LRFN2: variants seen among roughly 807,000 people sequenced by gnomAD.
LRFN2 encodes the protein leucine rich repeat and fibronectin type III domain containing 2.
In LRFN2, 18 loss-of-function variants were observed where a neutral mutation model predicts 37.3. That is an observed-to-expected ratio of 0.48 (90% CI 0.33 to 0.72). The LOEUF is 0.72. Among genes scored for constraint, LRFN2 ranks in the 30% least tolerant of loss-of-function variants. LRFN2 has a pLI of 0.02. For synonymous variants in LRFN2, 556 were observed against 466.6 expected (o/e 1.19, Z -2.47); for missense variants, 1,006 against 1,060.7 (o/e 0.95, Z 0.72).
chr6:40,458,251 G>GA (rs1451611267), intron 1 of LRFN2, among the ~76,000 whole-genome samples: 1 of 152,220 alleles, frequency 6.6e-6, no homozygotes, highest in African/African-American at 2.4e-5. Context: ...TAGTAAACAC[G>GA]AATGTATAAA....
chr6:40,494,657 T>A (rs1169059360), intron 1 of LRFN2, among the ~76,000 whole-genome samples: 1 of 152,002 alleles, frequency 6.6e-6, no homozygotes, highest in Admixed American at 6.6e-5. Context: ...AAGGACCTCA[T>A]CCTTCTCTTC....
chr6:40,507,040 G>A (rs745389612), intron 1 of LRFN2, among the ~76,000 whole-genome samples: 5 of 152,240 alleles, frequency 3.3e-5, no homozygotes, highest in Admixed American at 6.5e-5. Context: ...GCATGGCAAT[G>A]ATGTCAGGTA....
intron 1 of LRFN2, among the ~76,000 whole-genome samples, chr6:40,584,637 G>C (rs1767468111): frequency 6.6e-6 from 1 of 152,082 alleles, no homozygotes; most frequent in South Asian, 2.1e-4. Flanking sequence ...TAGGAAAGGG[G>C]AGTTTCTGAA....
At chr6:40,402,374 C>T (rs1293721272) in intron 2 of LRFN2, among the ~76,000 whole-genome samples, 2 of 152,190 alleles carry the variant, frequency 1.3e-5, no homozygotes, top group South Asian at 2.1e-4. Context: ...TGCTGTATTA[C>T]ATTGAATTGA....
intron 1 of LRFN2, among the ~76,000 whole-genome samples, chr6:40,458,382 T>G (rs1764278589): frequency 6.6e-6 from 1 of 152,180 alleles, no homozygotes; most frequent in Admixed American, 6.5e-5. Flanking sequence ...GATACTTTTA[T>G]TTTAAAAAAG....
chr6:40,413,481 G>A (rs948631942), intron 2 of LRFN2, among the ~76,000 whole-genome samples: 4 of 152,176 alleles, frequency 2.6e-5, no homozygotes, highest in African/African-American at 4.8e-5. Flanking sequence ...ATTAAATCTC[G>A]CTCTTCCCCA....
chr6:40,510,032 G>A (rs1765659303), intron 1 of LRFN2, among the ~76,000 whole-genome samples: 1 of 147,124 alleles, frequency 6.8e-6, no homozygotes, highest in Admixed American at 6.8e-5. Context: ...GGTATGCCAG[G>A]GAACACTGCT....
chr6:40,470,686 G>C (rs1358484210), intron 1 of LRFN2, among the ~76,000 whole-genome samples: 1 of 152,018 alleles, frequency 6.6e-6, no homozygotes, highest in East Asian at 1.9e-4. Flanking sequence ...GGAAGGCAGA[G>C]CAGCCAGTGG....
At position 40,563,891 on chromosome 6, in the gene LRFN2, C is replaced by T. The variant is rs185175881; in HGVS notation, c.-19+23050G>A. Reference sequence around the variant, plus strand: ...ACCACCTGATTACTCCACAGACAGACCTTGTGTGCCCACAAGGTGCTGGAT... The same window carrying T: ...ACCACCTGATTACTCCACAGACAGATCTTGTGTGCCCACAAGGTGCTGGAT... On this transcript the variant is annotated intron_variant, in intron 1 of 2. Coordinates refer to ENST00000338305, the MANE Select transcript of LRFN2 (RefSeq NM_020737.3). Among the ~76,000 whole-genome samples, 12 of 152,298 alleles carry T rather than the reference C, an allele frequency of 7.9e-5. No individual in the cohort carries two copies. In the East Asian group the frequency reaches 2.3e-3, roughly 29 times the overall value.
chr6:40,394,357 G>C (rs886996861), intron 2 of LRFN2, among the ~76,000 whole-genome samples: 1 of 152,112 alleles, frequency 6.6e-6, no homozygotes, highest in African/African-American at 2.4e-5. Flanking sequence ...TTTCTTGGTA[G>C]TTCCTCCACT....
chr6:40,515,815 C>A (rs1338232619), intron 1 of LRFN2, among the ~76,000 whole-genome samples: 1 of 148,942 alleles, frequency 6.7e-6, no homozygotes, highest in East Asian at 2.0e-4. Flanking sequence ...ATTGCTTGAA[C>A]CAGGGAGGAG....
chr6:40,490,649 G>A (rs1765070298), intron 1 of LRFN2, among the ~76,000 whole-genome samples: 1 of 152,206 alleles, frequency 6.6e-6, no homozygotes, highest in Non-Finnish European at 1.5e-5. Context: ...CACAGCATAT[G>A]GCCCACTCTT....
chr6:40,505,381 T>C (rs1310639315), intron 1 of LRFN2, among the ~76,000 whole-genome samples: 6 of 152,240 alleles, frequency 3.9e-5, no homozygotes. Context: ...TAGGATCTGT[T>C]GGGACCATAA....
In LRFN2 at chr6:40,392,023, A is replaced by G; in HGVS notation, c.2290T>C (p.Leu764=). 6.2e-7 allele frequency: 1 copy of G among 1,613,508 alleles called. No homozygotes were observed. The highest frequency in any genetic ancestry group is 8.5e-7 in the Non-Finnish European group (1 of 1,179,748). The change falls in exon 3 of 3, where the codon TTG becomes CTG. Residue 764 remains leucine, a synonymous_variant. Transcript: ENST00000338305. The surrounding 1 kb of genome is among the most constrained non-coding windows in gnomAD (Gnocchi z 4.7). ...KRSLSVNGML[L]PFEESDLVGA... ...ACCAGGTCACTCTCCTCAAAGGGCA[A>G]GAGCATGCCGTTGACAGAGAGGCTG...
At chr6:40,475,372 C>T (rs1049637385) in intron 1 of LRFN2, among the ~76,000 whole-genome samples, 2 of 152,044 alleles carry the variant, frequency 1.3e-5, no homozygotes, top group African/African-American at 4.8e-5. Flanking sequence ...GATTCCACTC[C>T]GTACTAGAGA....
At chr6:40,440,417 C>T (rs41513154) in intron 1 of LRFN2, among the ~76,000 whole-genome samples, 5 of 152,150 alleles carry the variant, frequency 3.3e-5, no homozygotes, top group South Asian at 4.2e-4. Flanking sequence ...AGCTCTGAGT[C>T]GATGGTAGCA....
At chr6:40,477,946 C>A (rs1198006501) in intron 1 of LRFN2, among the ~76,000 whole-genome samples, 2 of 152,208 alleles carry the variant, frequency 1.3e-5, no homozygotes, top group Non-Finnish European at 2.9e-5. Context: ...GGATGTAACA[C>A]AGACGCAGCA....
intron 1 of LRFN2, among the ~76,000 whole-genome samples, chr6:40,454,073 C>G (rs1359001132): frequency 6.6e-6 from 1 of 152,148 alleles, no homozygotes; most frequent in African/African-American, 2.4e-5. Context: ...CAGACCAAGA[C>G]CATTGATCAT....
chr6:40,505,230 C>T (rs1765502001), intron 1 of LRFN2, among the ~76,000 whole-genome samples: 1 of 152,120 alleles, frequency 6.6e-6, no homozygotes, highest in Non-Finnish European at 1.5e-5. Context: ...TCGGTGAGAT[C>T]CCTAACATGA....
Sources: allele counts gnomAD v4.1 joint callset (sites outside exome capture counted in the v4.1 genomes callset), GRCh38; gene constraint gnomAD v4.1.1; non-coding constraint Gnocchi (gnomAD v3.1); transcripts MANE v1.5; gene names NCBI Gene and HGNC (gene_info 2026-07-23, HGNC 2026-07-21).